Variants in ULK4 observed in about 807,000 individuals in gnomAD.
ULK4 encodes inactive serine/threonine-protein kinase ULK4.
Under a neutral mutation model 160.6 loss-of-function variants are expected in ULK4, and 133 were observed. That is an observed-to-expected ratio of 0.83 (90% confidence interval 0.72 to 0.96). The LOEUF is 0.96. Ranked by LOEUF, ULK4 falls within the 40% of genes least tolerant of loss-of-function variation. ULK4 has a pLI of 0.00. For missense variants in ULK4, 1,580 were observed against 1,499.5 expected (o/e 1.05, Z -0.89); for synonymous variants, 534 against 539.8 (o/e 0.99, Z 0.15).
chr3:41,580,786 G>A (rs1358477466), intron 31 of ULK4, among the ~76,000 whole-genome samples: 5 of 152,280 alleles, frequency 3.3e-5, no homozygotes, highest in Middle Eastern at 3.4e-3. Context: ...ACACAAGGAT[G>A]CCGGGAGAGA....
At chr3:41,418,813 C>T (rs1320327490) in intron 34 of ULK4, among the ~76,000 whole-genome samples, 1 of 152,162 alleles carries the variant, frequency 6.6e-6, no homozygotes, top group Non-Finnish European at 1.5e-5. Context: ...AACAGGTGGA[C>T]CACACAGGTG....
At chr3:41,484,374 A>G (rs1467290918) in intron 32 of ULK4, among the ~76,000 whole-genome samples, 1 of 152,076 alleles carries the variant, frequency 6.6e-6, no homozygotes, top group African/African-American at 2.4e-5. Context: ...TGTAACAGAG[A>G]AAACCCCCTG....
chr3:41,709,223 C>A (rs937839855), intron 25 of ULK4, among the ~76,000 whole-genome samples: 1 of 151,626 alleles, frequency 6.6e-6, no homozygotes, highest in Non-Finnish European at 1.5e-5. Context: ...CATAAATTAC[C>A]TTTAAAATAA....
intron 35 of ULK4, among the ~76,000 whole-genome samples, chr3:41,388,069 A>T (rs1418924178): frequency 2.6e-5 from 4 of 152,122 alleles, no homozygotes; most frequent in Non-Finnish European, 2.9e-5. Context: ...TGCCATTCTA[A>T]CTGGTGTGAG....
rs536332445 is a variant in ULK4 at position 41,490,892 on chromosome 3, C to A, written c.3227-27639G>T. 2.6e-5 allele frequency among the ~76,000 whole-genome samples: 4 copies of A among 152,280 alleles called. No homozygotes were observed. In the East Asian group the frequency reaches 7.7e-4, roughly 29 times the overall value. ...TTATACACAGAAACGCTCTCAGTAG[C>A]TGACACCAATCAGTGCTCAATAAAT... On this transcript the variant is annotated intron_variant, in intron 32 of 36. Coordinates refer to ENST00000301831, the MANE Select transcript of ULK4 (RefSeq NM_017886.4).
chr3:41,582,986 T>C (rs1298659582), intron 31 of ULK4, among the ~76,000 whole-genome samples: 4 of 152,250 alleles, frequency 2.6e-5, no homozygotes, highest in African/African-American at 9.6e-5. Flanking sequence ...GTGAAAGCTC[T>C]TAGGTAATGA....
At chr3:41,506,531 G>A (rs896095897) in intron 32 of ULK4, among the ~76,000 whole-genome samples, 4 of 151,864 alleles carry the variant, frequency 2.6e-5, no homozygotes, top group Admixed American at 1.3e-4. Flanking sequence ...CTTTCTTGCC[G>A]TTACTGCTGC....
At chr3:41,516,277 T>C (rs1040168876) in intron 32 of ULK4, among the ~76,000 whole-genome samples, 1 of 152,126 alleles carries the variant, frequency 6.6e-6, no homozygotes, top group Admixed American at 6.5e-5. Flanking sequence ...GATTTGAAAA[T>C]AAGTATTAAT....
At chr3:41,459,586 A>T (rs1260434957) in intron 33 of ULK4, among the ~76,000 whole-genome samples, 1 of 152,234 alleles carries the variant, frequency 6.6e-6, no homozygotes, top group African/African-American at 2.4e-5. Context: ...GTGCTAAGGC[A>T]GAATATGAAA....
intron 30 of ULK4, among the ~76,000 whole-genome samples, chr3:41,656,986 C>T (rs2125749627): frequency 6.6e-6 from 1 of 152,216 alleles, no homozygotes; most frequent in Admixed American, 6.5e-5. Context: ...GGTTTTGGTG[C>T]AACCTACTGT....
At chr3:41,526,890 A>C (rs2086137803) in intron 32 of ULK4, among the ~76,000 whole-genome samples, 1 of 151,402 alleles carries the variant, frequency 6.6e-6, no homozygotes, top group South Asian at 2.1e-4. Context: ...TAAAAGTGAC[A>C]TTTTTTTTTC....
chr3:41,473,429 A>C (rs1258273714), intron 32 of ULK4, among the ~76,000 whole-genome samples: 4 of 152,150 alleles, frequency 2.6e-5, no homozygotes, highest in Non-Finnish European at 5.9e-5. Context: ...TGGGAGGCCA[A>C]GGCAGGAGGA....
chr3:41,345,254 C>T (rs922086640), intron 35 of ULK4, among the ~76,000 whole-genome samples: 1 of 152,162 alleles, frequency 6.6e-6, no homozygotes, highest in African/African-American at 2.4e-5. Flanking sequence ...TACCATTTGA[C>T]CCAGCAATCC....
chr3:41,274,193 C>T (rs2079190475), intron 35 of ULK4, among the ~76,000 whole-genome samples: 1 of 152,096 alleles, frequency 6.6e-6, no homozygotes, highest in African/African-American at 2.4e-5. Flanking sequence ...TCTTGAAAGC[C>T]ATTGTTTTCT....
chr3:41,871,453 A>G (rs2125693278), intron 17 of ULK4, among the ~76,000 whole-genome samples: 1 of 152,330 alleles, frequency 6.6e-6, no homozygotes. Context: ...ATGTTTCCAG[A>G]GTAGTTGCAT....
At chr3:41,941,755 CAAA>C (rs565727539) in intron 2 of ULK4, among the ~76,000 whole-genome samples, 133 of 30,742 alleles carry the variant, frequency 4.3e-3, no homozygotes, top group South Asian at 0.022. Context: ...GACTCTGTCT[CAAA>C]AAAAAAAAAA....
At chr3:41,470,571 T>C (rs970073585) in intron 32 of ULK4, among the ~76,000 whole-genome samples, 3 of 152,156 alleles carry the variant, frequency 2.0e-5, no homozygotes, top group Non-Finnish European at 2.9e-5. Flanking sequence ...CAGGATACCT[T>C]AGAACTCTAA....
At chr3:41,616,491 G>A (rs1390220148) in intron 30 of ULK4, among the ~76,000 whole-genome samples, 1 of 152,160 alleles carries the variant, frequency 6.6e-6, no homozygotes, top group African/African-American at 2.4e-5. Flanking sequence ...ACCCACAGAG[G>A]GATAGCAGAA....
At chr3:41,756,781 A>G (rs538052885) in intron 21 of ULK4, among the ~76,000 whole-genome samples, 4 of 152,354 alleles carry the variant, frequency 2.6e-5, no homozygotes, top group Non-Finnish European at 5.9e-5. Context: ...GACTGATTAC[A>G]TATGCATATT....
Sources: allele counts gnomAD v4.1 joint callset (sites outside exome capture counted in the v4.1 genomes callset), GRCh38; gene constraint gnomAD v4.1.1; transcripts MANE v1.5; gene names NCBI Gene and HGNC (gene_info 2026-07-23, HGNC 2026-07-21).